IMMP2L: variants seen among roughly 807,000 people sequenced by gnomAD.
The protein encoded by IMMP2L is inner mitochondrial membrane peptidase subunit 2.
In IMMP2L, 18 loss-of-function variants were observed where a neutral mutation model predicts 19.3. That is an observed-to-expected ratio of 0.93 (90% confidence interval 0.64 to 1.38). The LOEUF is 1.38. IMMP2L is among the 40% of genes most tolerant of loss of function. The pLI, the probability that IMMP2L is intolerant of heterozygous loss-of-function variation, is 0.00. For missense variants in IMMP2L, 233 were observed against 218.2 expected (o/e 1.07, Z -0.43); for synonymous variants, 76 against 73.0 (o/e 1.04, Z -0.21).
chr7:111,164,282 G>T (rs1365420570), intron 3 of IMMP2L, among the ~76,000 whole-genome samples: 1 of 152,014 alleles, frequency 6.6e-6, no homozygotes, highest in Admixed American at 6.6e-5. Flanking sequence ...CCTATTGCAG[G>T]GAGTGCTGAC....
intron 1 of IMMP2L, 56 bp downstream of exon 1, chr7:111,561,791 TCTCG>T (rs1008323110): frequency 6.6e-6 from 1 of 152,640 alleles, no homozygotes; most frequent in Admixed American, 6.5e-5. Context: ...CCCTTCTCTC[TCTCG>T]CTCGCTCTCA....
chr7:111,204,799 T>C (rs1300191574), intron 3 of IMMP2L, among the ~76,000 whole-genome samples: 7 of 152,172 alleles, frequency 4.6e-5, no homozygotes, highest in Non-Finnish European at 8.8e-5. Flanking sequence ...GATCACAGAG[T>C]AAGTGTCTAC....
chr7:110,793,808 GT>G lies in IMMP2L; in HGVS notation c.408+92784del, dbSNP rs1211980603. 7.7e-4 allele frequency among the ~76,000 whole-genome samples: 117 copies of G among 152,074 alleles called. 1 individual carries two copies. Among genetic ancestry groups the G allele is most frequent in the Non-Finnish European group, 1.6e-4 (11 of 67,978 alleles). On this transcript the variant is annotated intron_variant, in intron 5 of 5. Coordinates refer to ENST00000405709, the MANE Select transcript of IMMP2L (RefSeq NM_032549.4). Reference sequence around the variant, plus strand: ...ATGTTAATTAGTTATCATTCACTGTGTATATGCATATCAAAACATCACGTTT... The same window carrying G: ...ATGTTAATTAGTTATCATTCACTGTGATATGCATATCAAAACATCACGTTT...
chr7:110,801,864 T>C (rs1196780038), intron 5 of IMMP2L, among the ~76,000 whole-genome samples: 1 of 152,074 alleles, frequency 6.6e-6, no homozygotes, highest in Non-Finnish European at 1.5e-5. Context: ...TGTAGGATTA[T>C]TGCCTTGTAT....
chr7:110,762,151 A>G (rs1798386187), intron 5 of IMMP2L, among the ~76,000 whole-genome samples: 1 of 152,110 alleles, frequency 6.6e-6, no homozygotes, highest in Admixed American at 6.6e-5. Context: ...TTTGCCTCCT[A>G]ATGTATTTCC....
intron 4 of IMMP2L, among the ~76,000 whole-genome samples, chr7:110,957,250 T>C (rs1818445925): frequency 6.6e-6 from 1 of 151,998 alleles, no homozygotes; most frequent in Non-Finnish European, 1.5e-5. Context: ...AAAAGTACTC[T>C]GAAAGCCTAC....
At chr7:111,524,584 T>G (rs1391585227) in intron 1 of IMMP2L, among the ~76,000 whole-genome samples, 1 of 152,128 alleles carries the variant, frequency 6.6e-6, no homozygotes, top group Non-Finnish European at 1.5e-5. Context: ...CTTCAGGTGA[T>G]TCCCTTAATA....
At chr7:111,352,367 C>CTTTTT (rs748454509) in intron 3 of IMMP2L, among the ~76,000 whole-genome samples, 1 of 130,844 alleles carries the variant, frequency 7.6e-6, no homozygotes, top group African/African-American at 3.0e-5. Flanking sequence ...GCACAACTAA[C>CTTTTT]TTTTTTTTTT....
chr7:110,833,353 C>T (rs1177909509), intron 5 of IMMP2L, among the ~76,000 whole-genome samples: 3 of 149,618 alleles, frequency 2.0e-5, no homozygotes, highest in African/African-American at 2.5e-5. Flanking sequence ...GCAGGAGAAT[C>T]GCTTGAACCT....
intron 3 of IMMP2L, among the ~76,000 whole-genome samples, chr7:111,158,762 C>G (rs544910667): frequency 1.3e-5 from 2 of 152,122 alleles, no homozygotes; most frequent in Admixed American, 1.3e-4. Flanking sequence ...AATTATCAAA[C>G]TGAAGAACAA....
chr7:111,312,105 G>A (rs1823585670), intron 3 of IMMP2L, among the ~76,000 whole-genome samples: 1 of 152,000 alleles, frequency 6.6e-6, no homozygotes, highest in Admixed American at 6.6e-5. Context: ...TCTCCCTAAG[G>A]CTTTGGGATA....
intron 5 of IMMP2L, among the ~76,000 whole-genome samples, chr7:110,784,548 T>C (rs576006904): frequency 1.2e-3 from 184 of 152,148 alleles, no homozygotes; most frequent in African/African-American, 4.3e-3. Flanking sequence ...ATCTGATCTC[T>C]GTGCTTTCAC....
intron 3 of IMMP2L, among the ~76,000 whole-genome samples, chr7:110,999,853 T>G (rs1013994397): frequency 1.3e-5 from 2 of 152,110 alleles, no homozygotes; most frequent in East Asian, 1.9e-4. Flanking sequence ...AGTGGGAATT[T>G]TGACTGGGGT....
intron 3 of IMMP2L, among the ~76,000 whole-genome samples, chr7:111,156,116 T>C (rs1430799317): frequency 6.6e-6 from 1 of 152,148 alleles, no homozygotes. Flanking sequence ...TTGACAGACA[T>C]TTCCATTGTT....
At chr7:111,396,827 G>A (rs1450566064) in intron 3 of IMMP2L, among the ~76,000 whole-genome samples, 1 of 152,120 alleles carries the variant, frequency 6.6e-6, no homozygotes, top group Non-Finnish European at 1.5e-5. Flanking sequence ...GCTCACGCCT[G>A]TAATCCCAGC....
At chr7:110,802,559 A>C (rs1233337967) in intron 5 of IMMP2L, among the ~76,000 whole-genome samples, 3 of 152,106 alleles carry the variant, frequency 2.0e-5, no homozygotes, top group African/African-American at 7.2e-5. Flanking sequence ...GAAAATAAGC[A>C]TTCAAATATT....
chr7:111,094,901 A>C (rs1157195110), intron 3 of IMMP2L, among the ~76,000 whole-genome samples: 3 of 152,086 alleles, frequency 2.0e-5, no homozygotes. Context: ...AAGGAATGGA[A>C]GGTCTCAATA....
chr7:111,322,248 T>C lies in IMMP2L; in HGVS notation c.239+164990A>G, dbSNP rs910597819. ...AATAAAAGGCTGGCCCCCAGATTCT[T>C]TTATGCCAGACCCATGGAAATAGTA... On this transcript the variant is annotated intron_variant, in intron 3 of 5. Transcript: ENST00000405709. Among the ~76,000 whole-genome samples the C allele has an allele frequency of 1.4e-4, 22 of 152,072 alleles. No individual in the cohort carries two copies. In the East Asian group the frequency reaches 2.5e-3, roughly 17 times the overall value.
At chr7:110,696,294 CT>C (rs1172565428) in intron 5 of IMMP2L, among the ~76,000 whole-genome samples, 1 of 152,080 alleles carries the variant, frequency 6.6e-6, no homozygotes, top group Non-Finnish European at 1.5e-5. Context: ...ATGAGATTTG[CT>C]TTGGGAAAAT....
Sources: gnomAD v4.1 joint callset for allele counts (sites outside exome capture counted in the v4.1 genomes callset) on GRCh38, gnomAD v4.1.1 for gene constraint, MANE v1.5 for transcripts, NCBI Gene and HGNC (gene_info 2026-07-23, HGNC 2026-07-21) for gene names.